The following SH3BP4 variants were observed in gnomAD, a reference collection of about 807,000 sequenced individuals.
SH3BP4 encodes SH3 domain binding protein 4.
In SH3BP4, 33 loss-of-function variants were observed where a neutral mutation model predicts 65.5. The observed-to-expected ratio is 0.50, with a 90% CI of 0.38 to 0.67. The LOEUF (loss-of-function observed/expected upper bound fraction) is 0.67. SH3BP4 is among the 30% of genes least tolerant of loss of function. The pLI, the probability that SH3BP4 is intolerant of heterozygous loss-of-function variation, is 0.00. For synonymous variants in SH3BP4, 552 were observed against 545.5 expected, an observed-to-expected ratio of 1.01 and a Z score of -0.17; for missense variants, 1,134 against 1,261.4, an observed-to-expected ratio of 0.90 and a Z score of 1.53.
chr2:235,021,706 G>C (rs1243100109), intron 2 of SH3BP4, among the ~76,000 whole-genome samples: 1 of 151,874 alleles, frequency 6.6e-6, no homozygotes, highest in Non-Finnish European at 1.5e-5. Context: ...AAATAGAATA[G>C]TGCATAGAAG....
chr2:235,020,130 G>A (rs1385524937), intron 2 of SH3BP4, among the ~76,000 whole-genome samples: 1 of 152,182 alleles, frequency 6.6e-6, no homozygotes, highest in Non-Finnish European at 1.5e-5. Flanking sequence ...TTGCCCTGAA[G>A]CAGGTTTGTA....
rs749503406 is a variant in SH3BP4, at chr2:235,042,126, G to A, written c.1357G>A (p.Val453Ile). 1.9e-6 allele frequency: 3 copies of A among 1,614,002 alleles called. No homozygotes were observed. The change falls in exon 4 of 6, where the codon GTC (valine) becomes ATC (isoleucine). Residue 453 changes from valine to isoleucine, a missense_variant. Val to Ile is a conservative substitution (Grantham distance 29). Coordinates refer to ENST00000392011, the MANE Select transcript of SH3BP4 (RefSeq NM_014521.3). This position sits in a 1 kb window ranked among gnomAD's most constrained non-coding sequence, Gnocchi z 7.3. Reference sequence around the variant, plus strand: ...CCTGGAGCCCTGTATGTACGTGGCTGTCGTGGCCCATGGCCCAAGCATCCT... The same window carrying A: ...CCTGGAGCCCTGTATGTACGTGGCTATCGTGGCCCATGGCCCAAGCATCCT... ...HNLEPCMYVA[V>I]VAHGPSILYP... is the part of the protein sequence containing the mutation.
intron 1 of SH3BP4, chr2:234,979,460 A>G (rs1252498115): frequency 6.6e-6 from 1 of 152,170 alleles, no homozygotes; most frequent in South Asian, 2.1e-4. Context: ...GGAATCATGC[A>G]GTATCTTTTG....
At chr2:235,051,766 G>A (rs897634687) in intron 4 of SH3BP4, among the ~76,000 whole-genome samples, 3 of 152,040 alleles carry the variant, frequency 2.0e-5, no homozygotes, top group Non-Finnish European at 4.4e-5. Context: ...TTCTACCCGC[G>A]GTGCTCTCTA....
intron 2 of SH3BP4, among the ~76,000 whole-genome samples, chr2:234,996,242 C>T (rs1356508687): frequency 6.6e-6 from 1 of 152,170 alleles, no homozygotes; most frequent in Non-Finnish European, 1.5e-5. Context: ...AGTGGGATTC[C>T]TTTCTGGGCC....
Position 235,041,498 on chromosome 2 carries a change from C to T in SH3BP4, c.729C>T (p.Arg243=), listed in dbSNP as rs1257016787. The part of the protein sequence containing the change: ...RRDNPFFRSK[R]SYSLSELSVL... ...ACAACCCCTTCTTCAGAAGCAAGCG[C>T]TCCTACAGTCTCTCGGAACTCTCCG... Residue 243 remains arginine (R), a synonymous_variant, in exon 4 of 6, where the codon CGC becomes CGT. Coordinates refer to ENST00000392011, the MANE Select transcript of SH3BP4 (RefSeq NM_014521.3). The surrounding 1 kb of genome is among the most constrained non-coding windows in gnomAD (Gnocchi z 6.0). The T allele has an allele frequency of 6.2e-7, 1 of 1,614,186 alleles. No individual in the cohort carries two copies. The highest frequency in any genetic ancestry group is 8.5e-7 in the Non-Finnish European group (1 of 1,180,048).
At position 234,985,848 on chromosome 2, in the gene SH3BP4, C is replaced by G. The variant is rs112910316; in HGVS notation, c.-206-9455C>G. 9.4e-3 allele frequency among the ~76,000 whole-genome samples: 1,430 copies of G among 151,636 alleles called. 24 individuals carry two copies. The highest frequency in any genetic ancestry group is 0.03 in the African/African-American group (1,250 of 41,024). ...AAGGAGCATGATGCAGGTGAACCAG[C>G]CCTGGATACACGCCTATGAGCTCAG... On this transcript the variant is annotated intron_variant, in intron 1 of 5. Transcript: ENST00000392011.
rs1359359803 is a variant in SH3BP4 at position 234,974,215 on chromosome 2, A to G, written c.-206-21088A>G. The stretch of plus-strand genomic sequence containing the variant: ...GCCCCATCTCTAATAAAAATACAAA[A>G]TTAGCCGGGCATGGTGGCGCACACC... On this transcript the variant is annotated intron_variant, in intron 1 of 5. Coordinates refer to ENST00000392011, the MANE Select transcript of SH3BP4 (RefSeq NM_014521.3). This position sits in a 1 kb window ranked among gnomAD's most constrained non-coding sequence, Gnocchi z 4.6. 3.9e-5 allele frequency among the ~76,000 whole-genome samples: 6 copies of G among 152,120 alleles called. No individual in the cohort carries two copies. The highest frequency in any genetic ancestry group is 1.5e-5 in the Non-Finnish European group (1 of 67,986).
At chr2:234,980,725 C>T (rs1057242174) in intron 1 of SH3BP4, among the ~76,000 whole-genome samples, 3 of 152,054 alleles carry the variant, frequency 2.0e-5, no homozygotes, top group African/African-American at 2.4e-5. Flanking sequence ...CAATATTGTC[C>T]GCCTTTTTTT....
rs147190255 is a variant in SH3BP4, at chr2:234,993,101, G to A, written c.-206-2202G>A. ...AGCTGGGTCCTTCTGGGGAGCGCCC[G>A]GTGGGGCTTGTTGTCCCTGCCTTGG... is the stretch of plus-strand genomic sequence containing the variant. On this transcript the variant is annotated intron_variant, in intron 1 of 5. Transcript: ENST00000392011. Among the ~76,000 whole-genome samples, 395 of 152,356 alleles carry A rather than the reference G, an allele frequency of 2.6e-3. 2 individuals are homozygous for A. Among genetic ancestry groups the A allele is most frequent in the African/African-American group, 9.1e-3 (378 of 41,582 alleles).
At position 234,997,064 on chromosome 2, in the gene SH3BP4, G is replaced by A. The variant is rs938203263; in HGVS notation, c.-133+1688G>A. Among the ~76,000 whole-genome samples, 1 of 152,374 alleles carries A rather than the reference G, an allele frequency of 6.6e-6. No homozygotes were observed. The highest frequency in any genetic ancestry group is 6.5e-5 in the Admixed American group (1 of 15,310). On this transcript the variant is annotated intron_variant, in intron 2 of 5. Coordinates refer to ENST00000392011, the MANE Select transcript of SH3BP4 (RefSeq NM_014521.3). This position sits in a 1 kb window ranked among gnomAD's most constrained non-coding sequence, Gnocchi z 4.2. ...CTCCGTGGCGGGCACACAGGCTTCC[G>A]GGAGCCCGGTGAGGGAGGTGCACCC...
chr2:235,039,685 A>G (rs1695575154), intron 3 of SH3BP4, among the ~76,000 whole-genome samples: 1 of 152,100 alleles, frequency 6.6e-6, no homozygotes, highest in South Asian at 2.1e-4. Context: ...TCATTTAATC[A>G]TATCCATTAT....
intron 2 of SH3BP4, chr2:235,008,592 C>T (rs1438709248): frequency 6.6e-6 from 1 of 152,186 alleles, no homozygotes; most frequent in Admixed American, 6.5e-5. Flanking sequence ...TCCAAGCTCC[C>T]CTTGGTTCTG....
rs1695260598 is a variant in SH3BP4 at position 235,033,167 on chromosome 2, C to A, written c.-132-1704C>A. On this transcript the variant is annotated intron_variant, in intron 2 of 5. Coordinates refer to ENST00000392011, the MANE Select transcript of SH3BP4 (RefSeq NM_014521.3). This position sits in a 1 kb window ranked among gnomAD's most constrained non-coding sequence, Gnocchi z 5.7. ...TCTCCTGCCGCCTGCTGCATTCAAG[C>A]ACCACAGCCCCGGTGGCCCAGCAAG... 6.6e-6 allele frequency among the ~76,000 whole-genome samples: 1 copy of A among 152,188 alleles called. No homozygotes were observed. The highest frequency in any genetic ancestry group is 2.4e-5 in the African/African-American group (1 of 41,446).
chr2:235,043,065 A>C lies in SH3BP4; in HGVS notation c.2296A>C (p.Ile766Leu). The C allele has an allele frequency of 6.2e-7, 1 of 1,613,314 alleles. No individual in the cohort carries two copies. Among genetic ancestry groups the C allele is most frequent in the East Asian group, 2.2e-5 (1 of 44,858 alleles). ...CGTGAGGACCCTGCTCATGGAGAAC[A>C]TCAGCAGCTGGCGCTCCTTCGCTGA... ...ASVRTLLMEN[I>L]SSWRSFADAL... The change falls in exon 4 of 6, where the codon ATC (isoleucine) becomes CTC (leucine). Residue 766 changes from isoleucine to leucine, a missense_variant. By Grantham distance (5) the Ile-to-Leu change is conservative. Transcript: ENST00000392011.
chr2:234,965,492 T>G (rs565217581), intron 1 of SH3BP4, among the ~76,000 whole-genome samples: 37 of 152,334 alleles, frequency 2.4e-4, no homozygotes, highest in Middle Eastern at 6.8e-3. Context: ...TGTGAAAACT[T>G]GAATACAACC....
Position 234,976,643 on chromosome 2 carries a change from A to C in SH3BP4, c.-206-18660A>C, listed in dbSNP as rs925069103. 1.3e-5 allele frequency among the ~76,000 whole-genome samples: 2 copies of C among 152,164 alleles called. No homozygotes were observed. Among genetic ancestry groups the C allele is most frequent in the African/African-American group, 4.8e-5 (2 of 41,446 alleles). ...GTTAAGAGGGGCTGGGCAGGTGACC[A>C]AGGTCACCATGGCAGGGATAAGTCA... On this transcript the variant is annotated intron_variant, in intron 1 of 5. Coordinates refer to ENST00000392011, the MANE Select transcript of SH3BP4 (RefSeq NM_014521.3). This position sits in a 1 kb window ranked among gnomAD's most constrained non-coding sequence, Gnocchi z 4.7.
chr2:234,999,502 C>T (rs1694032106), intron 2 of SH3BP4, among the ~76,000 whole-genome samples: 2 of 152,202 alleles, frequency 1.3e-5, no homozygotes, highest in East Asian at 1.9e-4. Flanking sequence ...TCTGGGCAGA[C>T]TGCAATTTCG....
intron 2 of SH3BP4, among the ~76,000 whole-genome samples, chr2:235,010,161 A>C (rs975571153): frequency 6.6e-6 from 1 of 152,006 alleles, no homozygotes; most frequent in Non-Finnish European, 1.5e-5. Flanking sequence ...CACGGCCCCT[A>C]TGGCTCCCAC....
Sources: gnomAD v4.1 joint callset for allele counts (sites outside exome capture counted in the v4.1 genomes callset) on GRCh38, gnomAD v4.1.1 for gene constraint, Gnocchi (gnomAD v3.1) non-coding constraint, MANE v1.5 for transcripts, NCBI Gene and HGNC (gene_info 2026-07-23, HGNC 2026-07-21) for gene names.